HDAC9: variants seen among roughly 807,000 people sequenced by gnomAD.
HDAC9 encodes the protein MEF-2 interacting transcription repressor (MITR) protein.
A neutral mutation model predicts 139.4 loss-of-function variants in HDAC9; 41 were observed. That is an observed-to-expected ratio of 0.29 (90% CI 0.23 to 0.38). The LOEUF is 0.38. Ranked by LOEUF, HDAC9 falls within the 10% of genes least tolerant of loss-of-function variation. HDAC9 has a pLI of 1.00. For synonymous variants in HDAC9, 517 were observed against 476.2 expected (o/e 1.09, Z -1.12); for missense variants, 1,147 against 1,297.0 (o/e 0.88, Z 1.78).
intron 12 of HDAC9, among the ~76,000 whole-genome samples, chr7:18,671,761 C>T (rs1271894030): frequency 2.0e-5 from 3 of 152,016 alleles, no homozygotes; most frequent in Admixed American, 2.0e-4. Context: ...AACCACTCAT[C>T]TGCTTTATAT....
At chr7:18,547,862 TCCCTC>T (rs1815626502) in intron 2 of HDAC9, among the ~76,000 whole-genome samples, 1 of 91,806 alleles carries the variant, frequency 1.1e-5, no homozygotes, top group Admixed American at 1.1e-4. Flanking sequence ...CTTCCTACCC[TCCCTC>T]CCTCCCTCCC....
chr7:18,118,596 T>C (rs1317935928), intron 1 of HDAC9, among the ~76,000 whole-genome samples: 1 of 152,206 alleles, frequency 6.6e-6, no homozygotes, highest in African/African-American at 2.4e-5. Context: ...TAGTTGCTAT[T>C]ATTGACATTC....
chr7:18,376,936 C>A (rs192572983), intron 1 of HDAC9, among the ~76,000 whole-genome samples: 5 of 152,042 alleles, frequency 3.3e-5, no homozygotes, highest in Non-Finnish European at 5.9e-5. Context: ...ATTATGGCAA[C>A]CTAAGCTGAT....
intron 1 of HDAC9, among the ~76,000 whole-genome samples, chr7:18,348,463 G>C (rs1782592568): frequency 6.6e-6 from 1 of 152,044 alleles, no homozygotes; most frequent in Non-Finnish European, 1.5e-5. Context: ...GGTTCAATTA[G>C]ATATGCCCCA....
rs542098604 is a variant in HDAC9 at position 18,208,386 on chromosome 7, T to G, written c.25+46037T>G. On this transcript the variant is annotated intron_variant, in intron 2 of 12. Coordinates refer to the HDAC9 transcript ENST00000417496. ...TCTGAGAGTATCTTTTTTTTTTTTT[T>G]TTTTGAGACAGGGTCTCTCTTTGTC... 2.1e-3 allele frequency among the ~76,000 whole-genome samples: 318 copies of G among 151,310 alleles called. 3 individuals are homozygous for G. The East Asian group carries it at 0.044, about 21-fold the overall frequency.
rs575538492 is a variant in HDAC9, at chr7:18,941,213, C to G, written c.2937+5271C>G. ...CCTCCCTCCCGTTATTCTTCACTTC[C>G]TCACTCCCTTCAACCCTCTCTCCCT... On this transcript the variant is annotated intron_variant, in intron 23 of 25. Coordinates refer to ENST00000686413, the MANE Select transcript of HDAC9 (RefSeq NM_178425.4). Among the ~76,000 whole-genome samples the G allele has an allele frequency of 7.3e-5, 11 of 151,102 alleles. No individual in the cohort carries two copies. In the East Asian group the frequency reaches 2.1e-3, roughly 29 times the overall value.
intron 2 of HDAC9, among the ~76,000 whole-genome samples, chr7:18,283,473 G>C (rs1211829120): frequency 1.3e-5 from 2 of 152,104 alleles, no homozygotes; most frequent in Non-Finnish European, 2.9e-5. Context: ...GTGAATTAGA[G>C]ATTTATTTTA....
At chr7:18,314,326 C>T (rs1045824638) in intron 1 of HDAC9, among the ~76,000 whole-genome samples, 1 of 152,130 alleles carries the variant, frequency 6.6e-6, no homozygotes, top group African/African-American at 2.4e-5. Flanking sequence ...CTAAACCAAA[C>T]CTATAAAACA....
intron 1 of HDAC9, among the ~76,000 whole-genome samples, chr7:18,431,771 CTG>C (rs1413899063): frequency 2.0e-5 from 3 of 152,176 alleles, no homozygotes; most frequent in Non-Finnish European, 1.5e-5. Context: ...GTGGGTATGA[CTG>C]TGAATTTCAT....
chr7:18,585,542 C>CTG lies in HDAC9; in HGVS notation c.264+23_264+24dup. On this transcript the variant is annotated intron_variant, in intron 3 of 25. Coordinates refer to ENST00000686413, the MANE Select transcript of HDAC9 (RefSeq NM_178425.4). ...ATCAAGGTAGCAAATGCTTCTTTGT[C>CTG]TGTGACCTTACTCAGGAGTCTGCAC... 1 of 1,610,932 alleles carries CTG rather than the reference C, an allele frequency of 6.2e-7. No individual in the cohort carries two copies. The highest frequency in any genetic ancestry group is 8.5e-7 in the Non-Finnish European group (1 of 1,179,462).
At position 18,416,131 on chromosome 7, in the gene HDAC9, T is replaced by C. The variant is rs561759273; in HGVS notation, c.-41-80131T>C. ...CATCATCATGGTGAAAGCACATCTC[T>C]ACTAAAAATACAAAATTAGCCGGGC... On this transcript the variant is annotated intron_variant, in intron 1 of 3. Coordinates refer to the HDAC9 transcript ENST00000413509. Among the ~76,000 whole-genome samples, 3 of 152,192 alleles carry C rather than the reference T, an allele frequency of 2.0e-5. No individual in the cohort carries two copies. The South Asian group carries it at 6.2e-4, about 32-fold the overall frequency.
At chr7:18,448,167 C>G (rs1434114743) in intron 1 of HDAC9, among the ~76,000 whole-genome samples, 2 of 152,116 alleles carry the variant, frequency 1.3e-5, no homozygotes, top group Non-Finnish European at 2.9e-5. Context: ...GCCTGGCGAT[C>G]TGGAGGTATT....
chr7:18,430,777 C>T (rs1790569421), intron 1 of HDAC9: 1 of 151,928 alleles, frequency 6.6e-6, no homozygotes, highest in African/African-American at 2.4e-5. Flanking sequence ...ATCCCAGCTA[C>T]TTGGGAAGCT....
chr7:18,270,944 T>C (rs949017617), intron 2 of HDAC9, among the ~76,000 whole-genome samples: 7 of 152,206 alleles, frequency 4.6e-5, no homozygotes, highest in Non-Finnish European at 1.5e-5. Context: ...CTGTGTAACA[T>C]TGTTAATTTG....
chr7:18,667,202 GAC>G, intron 12 of HDAC9: 2 of 985,230 alleles, frequency 2.0e-6, no homozygotes, highest in Non-Finnish European at 2.4e-6. Context: ...GTAATTTGAT[GAC>G]ACTGTCTATC....
At chr7:18,278,810 G>T (rs1297175514) in intron 2 of HDAC9, among the ~76,000 whole-genome samples, 2 of 152,056 alleles carry the variant, frequency 1.3e-5, no homozygotes, top group Non-Finnish European at 2.9e-5. Context: ...GATTTTAAAA[G>T]ATCACTTTGA....
intron 1 of HDAC9, among the ~76,000 whole-genome samples, chr7:18,293,745 G>T (rs1797968096): frequency 6.6e-6 from 1 of 152,022 alleles, no homozygotes; most frequent in African/African-American, 2.4e-5. Context: ...CCACTTCTTT[G>T]TGCAGTAATG....
At chr7:18,734,082 G>T (rs1786654453) in intron 13 of HDAC9, among the ~76,000 whole-genome samples, 1 of 151,948 alleles carries the variant, frequency 6.6e-6, no homozygotes, top group Non-Finnish European at 1.5e-5. Context: ...AAAATTTAAG[G>T]TTTGTGGCAA....
At chr7:18,786,491 T>G (rs375761397) in intron 16 of HDAC9, among the ~76,000 whole-genome samples, 86,015 of 137,194 alleles carry the variant, frequency 0.63, 30,015 homozygotes, top group Non-Finnish European at 0.77. Context: ...CCTTTCTTCC[T>G]TCCTTCCTTC....
Sources: gnomAD v4.1 joint callset for allele counts (sites outside exome capture counted in the v4.1 genomes callset) on GRCh38, gnomAD v4.1.1 for gene constraint, MANE v1.5 for transcripts, NCBI Gene and HGNC (gene_info 2026-07-23, HGNC 2026-07-21) for gene names.